Variants in IL1RAPL1 observed in about 807,000 individuals in gnomAD.
IL1RAPL1 encodes interleukin 1 receptor accessory protein like 1.
In IL1RAPL1, 3 loss-of-function variants were observed where a neutral mutation model predicts 48.4. The ratio of observed to expected loss-of-function variants is 0.06; its 90% CI spans 0.03 to 0.16. IL1RAPL1 has a LOEUF of 0.16. Among genes scored for constraint, IL1RAPL1 ranks in the 10% least tolerant of loss-of-function variants. The pLI is 1.00. For missense variants in IL1RAPL1, 349 were observed against 530.6 expected, an observed-to-expected ratio of 0.66 and a Z score of 3.36; for synonymous variants, 185 against 187.7, an observed-to-expected ratio of 0.99 and a Z score of 0.12.
At chrX:29,104,009 G>T (rs1602058346) in intron 2 of IL1RAPL1, among the ~76,000 whole-genome samples, 1 of 111,871 alleles carries the variant, frequency 8.9e-6, no homozygotes, top group East Asian at 2.8e-4. Flanking sequence ...GGGAACCCTT[G>T]TACACTGTTG....
At chrX:29,329,981 G>C (rs1932871591) in intron 3 of IL1RAPL1, among the ~76,000 whole-genome samples, 2 of 110,924 alleles carry the variant, frequency 1.8e-5, no homozygotes, top group Non-Finnish European at 3.8e-5. Context: ...TACTGTTACA[G>C]GGCTGCTGCT....
At chrX:29,822,670 T>A (rs1930648600) in intron 6 of IL1RAPL1, among the ~76,000 whole-genome samples, 1 of 111,644 alleles carries the variant, frequency 9.0e-6, no homozygotes, top group South Asian at 3.7e-4. Flanking sequence ...GCTGACATGG[T>A]GCCAGACAGT....
At chrX:29,358,921 T>G (rs760732099) in intron 3 of IL1RAPL1, among the ~76,000 whole-genome samples, 1 of 108,862 alleles carries the variant, frequency 9.2e-6, no homozygotes, top group African/African-American at 3.4e-5. Flanking sequence ...CTCGGGAGGC[T>G]GAGGTGGGAG....
intron 5 of IL1RAPL1, among the ~76,000 whole-genome samples, chrX:29,592,914 G>C (rs2147057412): frequency 9.0e-6 from 1 of 111,702 alleles, no homozygotes; most frequent in Admixed American, 9.5e-5. Flanking sequence ...GAAATTGCTG[G>C]CCTTCTCTGA....
chrX:29,482,324 T>TA (rs1330270574), intron 5 of IL1RAPL1, among the ~76,000 whole-genome samples: 1 of 111,736 alleles, frequency 8.9e-6, no homozygotes, highest in Non-Finnish European at 1.9e-5. Flanking sequence ...CACCATCCCT[T>TA]ACCAGCTGTG....
chrX:29,175,241 G>A (rs921471697), intron 2 of IL1RAPL1, among the ~76,000 whole-genome samples: 1 of 110,957 alleles, frequency 9.0e-6, no homozygotes, highest in African/African-American at 3.3e-5. Flanking sequence ...TCATCCTTTT[G>A]TTATAGTGAC....
chrX:29,110,975 G>T (rs1175080302), intron 2 of IL1RAPL1, among the ~76,000 whole-genome samples: 2 of 110,227 alleles, frequency 1.8e-5, no homozygotes. Context: ...TTTTTCATAT[G>T]TTTCCTATAG....
At chrX:28,877,171 T>C (rs1922396360) in intron 2 of IL1RAPL1, among the ~76,000 whole-genome samples, 2 of 112,489 alleles carry the variant, frequency 1.8e-5, no homozygotes, top group Admixed American at 9.4e-5. Flanking sequence ...TATATTTATA[T>C]TTAAATCTCA....
intron 5 of IL1RAPL1, among the ~76,000 whole-genome samples, chrX:29,456,189 T>G (rs1934736497): frequency 8.9e-6 from 1 of 112,665 alleles, no homozygotes; most frequent in African/African-American, 3.2e-5. Flanking sequence ...AAGTTGAATT[T>G]CATTAAAATA....
chrX:28,790,498 G>T (rs1473571840), intron 2 of IL1RAPL1, among the ~76,000 whole-genome samples: 3 of 112,729 alleles, frequency 2.7e-5, no homozygotes, highest in Non-Finnish European at 3.8e-5. Context: ...CCCCTCCTGG[G>T]GATAAAGTCT....
At chrX:29,837,323 A>G (rs1271134582) in intron 6 of IL1RAPL1, among the ~76,000 whole-genome samples, 2 of 100,353 alleles carry the variant, frequency 2.0e-5, no homozygotes, top group African/African-American at 7.3e-5. Flanking sequence ...ACACACACAT[A>G]TATAGACGGA....
At chrX:29,535,599 T>A (rs1008127682) in intron 5 of IL1RAPL1, among the ~76,000 whole-genome samples, 6 of 112,217 alleles carry the variant, frequency 5.3e-5, no homozygotes, top group Non-Finnish European at 1.1e-4. Context: ...TGGCTTTCCC[T>A]GGAAGCATTC....
chrX:28,886,664 A>G (rs966206689), intron 2 of IL1RAPL1, among the ~76,000 whole-genome samples: 2 of 111,500 alleles, frequency 1.8e-5, no homozygotes, highest in African/African-American at 6.5e-5. Context: ...ACCAATGAAG[A>G]ATAACATGAA....
chrX:29,587,971 T>C lies in IL1RAPL1; in HGVS notation c.704-80459T>C, dbSNP rs766073077. Among the ~76,000 whole-genome samples the C allele has an allele frequency of 1.7e-3, 195 of 112,626 alleles. 3 individuals are homozygous for C. Among genetic ancestry groups the C allele is most frequent in the African/African-American group, 5.4e-3 (168 of 31,022 alleles). On this transcript the variant is annotated intron_variant, in intron 5 of 10. Transcript: ENST00000378993. ...TTGTTTTGTTTTATCCACCCAGTGC[T>C]ACTATTTGGCTCCAATTCTACCATA...
intron 6 of IL1RAPL1, among the ~76,000 whole-genome samples, chrX:29,700,729 T>C (rs1180578938): frequency 6.3e-5 from 7 of 111,823 alleles, no homozygotes; most frequent in Non-Finnish European, 9.4e-5. Flanking sequence ...AACTTTCTTT[T>C]TGGTGACACG....
At chrX:29,908,064 T>G (rs1362527890) in intron 6 of IL1RAPL1, among the ~76,000 whole-genome samples, 1 of 110,931 alleles carries the variant, frequency 9.0e-6, no homozygotes, top group Non-Finnish European at 1.9e-5. Flanking sequence ...GTAAGTACAT[T>G]AAATTTATTG....
At chrX:28,854,529 G>A (rs1368192869) in intron 2 of IL1RAPL1, among the ~76,000 whole-genome samples, 1 of 111,553 alleles carries the variant, frequency 9.0e-6, no homozygotes, top group Non-Finnish European at 1.9e-5. Context: ...ATAGATATCA[G>A]AGTTGGAGGG....
At chrX:29,920,959 G>A (rs778512826) in intron 8 of IL1RAPL1, among the ~76,000 whole-genome samples, 1 of 109,822 alleles carries the variant, frequency 9.1e-6, no homozygotes, top group African/African-American at 3.3e-5. Flanking sequence ...TTGACATATT[G>A]TTTCTGCCTT....
chrX:29,155,118 C>T (rs1243377410), intron 2 of IL1RAPL1, among the ~76,000 whole-genome samples: 1 of 110,056 alleles, frequency 9.1e-6, no homozygotes, highest in Non-Finnish European at 1.9e-5. Flanking sequence ...AGTGATTCTC[C>T]TGCCTCAGCC....
Sources: gnomAD v4.1 joint callset for allele counts (sites outside exome capture counted in the v4.1 genomes callset) on GRCh38, gnomAD v4.1.1 for gene constraint, MANE v1.5 for transcripts, NCBI Gene and HGNC (gene_info 2026-07-23, HGNC 2026-07-21) for gene names.